CCDC125: variants seen among roughly 807,000 people sequenced by gnomAD.
CCDC125 encodes coiled-coil domain-containing protein 125.
A neutral mutation model predicts 57.4 loss-of-function variants in CCDC125; 43 were observed. The observed-to-expected ratio is 0.75, with a 90% CI of 0.59 to 0.97. The LOEUF (loss-of-function observed/expected upper bound fraction) is 0.97, where lower values mean the gene tolerates loss of function less well. CCDC125 is among the 50% of genes least tolerant of loss of function. The pLI is 0.00. For synonymous variants in CCDC125, 187 were observed against 195.2 expected (o/e 0.96, Z 0.35); for missense variants, 563 against 595.7 (o/e 0.95, Z 0.57).
At chr5:69,292,138 C>A in intron 10 of CCDC125, 50 bp downstream of exon 10, 1 of 1,487,682 alleles carries the variant, frequency 6.7e-7, no homozygotes, top group South Asian at 1.3e-5. Flanking sequence ...GGATTATAAA[C>A]AAAACAACTA....
Position 69,320,427 on chromosome 5 carries a change from C to T in CCDC125, c.114G>A (p.Gly38=). 1.9e-6 allele frequency: 3 copies of T among 1,613,988 alleles called. No homozygotes were observed. The highest frequency in any genetic ancestry group is 2.5e-6 in the Non-Finnish European group (3 of 1,179,934). The change falls in exon 2 of 12, where the codon GGG becomes GGA. Residue 38 remains glycine, a synonymous_variant. Transcript: ENST00000396496. The stretch of plus-strand genomic sequence containing the variant: ...TATGTGAAAATTCTATTTCATAAAT[C>T]CCACCAGGTTTCCTTCCGAGGCCAT... ...LGYGLGRKPG[G]IYEIEFSHRS... is the part of the protein sequence containing the mutation.
chr5:69,311,431 A>G (rs967102074), intron 3 of CCDC125, among the ~76,000 whole-genome samples: 1 of 152,114 alleles, frequency 6.6e-6, no homozygotes, highest in Non-Finnish European at 1.5e-5. Flanking sequence ...TGGGTGGATC[A>G]CCTGAGGTCA....
chr5:69,330,243 A>G (rs944407621), intron 1 of CCDC125, among the ~76,000 whole-genome samples: 2 of 152,032 alleles, frequency 1.3e-5, no homozygotes, highest in Admixed American at 6.6e-5. Flanking sequence ...TCTTTTACTA[A>G]TCTTAAATAC....
At position 69,298,294 on chromosome 5, in the gene CCDC125, G is replaced by A. The variant is rs189609366; in HGVS notation, c.816+1718C>T. 1.1e-3 allele frequency among the ~76,000 whole-genome samples: 160 copies of A among 152,294 alleles called. 1 individual carries two copies. Among genetic ancestry groups the A allele is most frequent in the African/African-American group, 3.2e-3 (134 of 41,574 alleles). On this transcript the variant is annotated intron_variant, in intron 8 of 11. Coordinates refer to ENST00000396496, the MANE Select transcript of CCDC125 (RefSeq NM_176816.5). ...CTCCCAAAGTGCTGGGATTACAGGC[G>A]TGAGCCACCGCGCCCGGCCCCTGTT...
intron 10 of CCDC125, among the ~76,000 whole-genome samples, chr5:69,285,890 A>T (rs12513817): frequency 2.6e-5 from 4 of 151,980 alleles, no homozygotes; most frequent in East Asian, 1.9e-4. Context: ...GCTTCCGAAC[A>T]GCAAAGACCT....
intron 1 of CCDC125, among the ~76,000 whole-genome samples, chr5:69,328,405 ATTAGAG>A (rs1310464945): frequency 1.3e-5 from 2 of 152,248 alleles, no homozygotes; most frequent in African/African-American, 2.4e-5. Flanking sequence ...TTAAATAAGT[ATTAGAG>A]TTATAGTGTA....
intron 9 of CCDC125, among the ~76,000 whole-genome samples, chr5:69,292,815 T>C (rs575506986): frequency 7.4e-4 from 113 of 152,090 alleles, no homozygotes; most frequent in Non-Finnish European, 1.5e-3. Flanking sequence ...CTCATGTTTT[T>C]CTTTTCTTCT....
chr5:69,291,052 T>G (rs1754375505), intron 10 of CCDC125, among the ~76,000 whole-genome samples: 1 of 152,232 alleles, frequency 6.6e-6, no homozygotes, highest in South Asian at 2.1e-4. Flanking sequence ...ATTATAGATC[T>G]GACAGATAAG....
chr5:69,286,171 AC>A (rs1381825300), intron 10 of CCDC125, among the ~76,000 whole-genome samples: 1 of 137,812 alleles, frequency 7.3e-6, no homozygotes, highest in Admixed American at 7.5e-5. Flanking sequence ...CCACTTAAAA[AC>A]AGTTCAAATG....
chr5:69,307,064 T>C (rs1757429939), intron 5 of CCDC125, among the ~76,000 whole-genome samples, 162 bp from the exon 6 acceptor site: 1 of 152,198 alleles, frequency 6.6e-6, no homozygotes, highest in Non-Finnish European at 1.5e-5. Context: ...TGCAAACACA[T>C]ATAACATGCC....
At chr5:69,325,322 T>A (rs1339914776) in intron 1 of CCDC125, among the ~76,000 whole-genome samples, 1 of 97,240 alleles carries the variant, frequency 1.0e-5, no homozygotes, top group Non-Finnish European at 2.0e-5. Context: ...TGAGATTCTG[T>A]CTCAAAAAAA....
chr5:69,278,520 C>T (rs1305672153), downstream of CCDC125, among the ~76,000 whole-genome samples: 1 of 151,880 alleles, frequency 6.6e-6, no homozygotes, highest in Non-Finnish European at 1.5e-5. Context: ...GCCAATACTT[C>T]ACTTTATTTC....
intron 1 of CCDC125, among the ~76,000 whole-genome samples, chr5:69,328,168 T>A (rs1760960335): frequency 6.6e-6 from 1 of 152,224 alleles, no homozygotes; most frequent in Non-Finnish European, 1.5e-5. Context: ...AGTGCTGGGA[T>A]TATAGGCGTG....
chr5:69,278,692 ATC>A (rs1288222520), downstream of CCDC125, among the ~76,000 whole-genome samples: 5 of 141,488 alleles, frequency 3.5e-5, no homozygotes, highest in East Asian at 2.1e-4. Flanking sequence ...AATTGATAGA[ATC>A]TCTCTCTCCT....
chr5:69,326,752 T>C (rs370590335), intron 1 of CCDC125, among the ~76,000 whole-genome samples: 1 of 152,132 alleles, frequency 6.6e-6, no homozygotes, highest in African/African-American at 2.4e-5. Context: ...GCCTACTGTT[T>C]CTTAAACTTA....
At chr5:69,313,544 G>C in intron 3 of CCDC125, 1 of 770,750 alleles carries the variant, frequency 1.3e-6, no homozygotes, top group Non-Finnish European at 2.4e-6. Context: ...CTCTTAAGGG[G>C]CACAGACTCA....
intron 2 of CCDC125, among the ~76,000 whole-genome samples, chr5:69,319,122 T>G (rs1233577432): frequency 1.3e-5 from 2 of 151,934 alleles, no homozygotes; most frequent in Non-Finnish European, 2.9e-5. Flanking sequence ...GAGATGGGGT[T>G]TTGCCATGTT....
At chr5:69,312,639 G>A (rs1758342635) in intron 3 of CCDC125, among the ~76,000 whole-genome samples, 1 of 152,174 alleles carries the variant, frequency 6.6e-6, no homozygotes, top group Admixed American at 6.6e-5. Flanking sequence ...CTTTCTCAAG[G>A]AGGAGATAAG....
intron 8 of CCDC125, among the ~76,000 whole-genome samples, chr5:69,297,976 A>G (rs1235491256): frequency 2.7e-5 from 4 of 150,924 alleles, no homozygotes; most frequent in Non-Finnish European, 4.4e-5. Context: ...CTGTCTCAAA[A>G]ACAAAACAAA....
Sources: gnomAD v4.1 joint callset for allele counts (sites outside exome capture counted in the v4.1 genomes callset) on GRCh38, gnomAD v4.1.1 for gene constraint, MANE v1.5 for transcripts, NCBI Gene and HGNC (gene_info 2026-07-23, HGNC 2026-07-21) for gene names.